Variants in BNC2 observed in about 807,000 individuals in gnomAD.
BNC2 encodes the protein basonuclin zinc finger protein 2, also known as zinc finger protein basonuclin-2.
In BNC2, 20 loss-of-function variants were observed where a neutral mutation model predicts 76.3. The observed-to-expected ratio is 0.26, with a 90% CI of 0.18 to 0.38. The LOEUF is 0.38. Among genes scored for constraint, BNC2 ranks in the 10% least tolerant of loss-of-function variants. The pLI is 1.00. For synonymous variants in BNC2, 582 were observed against 514.8 expected (o/e 1.13, Z -1.77); for missense variants, 1,382 against 1,399.8 (o/e 0.99, Z 0.20).
intron 6 of BNC2, chr9:16,431,477 A>G (rs1449635496): frequency 2.1e-6 from 1 of 470,190 alleles, no homozygotes; most frequent in South Asian, 1.6e-5. Flanking sequence ...GCCGGTTAGA[A>G]TTTCCTCTTC....
intron 1 of BNC2, among the ~76,000 whole-genome samples, chr9:16,806,605 G>A (rs1305849396): frequency 6.6e-6 from 1 of 152,162 alleles, no homozygotes; most frequent in African/African-American, 2.4e-5. Context: ...CTGAAGGGGT[G>A]TTGGAGAAAT....
chr9:16,492,056 G>GA (rs2131638543), intron 5 of BNC2, among the ~76,000 whole-genome samples: 1 of 152,016 alleles, frequency 6.6e-6, no homozygotes, highest in East Asian at 1.9e-4. Context: ...AAAAACCAGT[G>GA]AAATACGATT....
chr9:16,552,746 C>T lies in BNC2; in HGVS notation c.453G>A (p.Thr151=), dbSNP rs1042689596. ...WVAHALDKLS[T]QHLYHPTQVE... ...CTTGGGTGGGGTGGTACAGGTGCTG[C>T]GTGCTGAGCTTATCCAAGGCTGTGG... is the stretch of plus-strand genomic sequence containing the variant. The change falls in exon 5 of 7, where the codon ACG becomes ACA. Residue 151 remains threonine, a synonymous_variant. Coordinates refer to ENST00000380672, the MANE Select transcript of BNC2 (RefSeq NM_017637.6). The T allele has an allele frequency of 6.8e-6, 11 of 1,613,942 alleles. No individual in the cohort carries two copies. The highest frequency in any genetic ancestry group is 6.7e-5 in the African/African-American group (5 of 74,878).
intron 5 of BNC2, among the ~76,000 whole-genome samples, chr9:16,463,294 C>CTTTTTTTTTTT (rs34855187): frequency 2.8e-5 from 3 of 105,606 alleles, no homozygotes; most frequent in Admixed American, 1.1e-4. Flanking sequence ...GTATTAAATT[C>CTTTTTTTTTTT]TTTTTTTTTT....
chr9:16,524,213 T>A (rs1817720278), intron 5 of BNC2, among the ~76,000 whole-genome samples: 1 of 152,222 alleles, frequency 6.6e-6, no homozygotes, highest in East Asian at 1.9e-4. Context: ...GTGACCCCTT[T>A]GAAACTGCTA....
chr9:16,868,881 C>T (rs1819607705), intron 1 of BNC2, among the ~76,000 whole-genome samples: 1 of 152,186 alleles, frequency 6.6e-6, no homozygotes, highest in South Asian at 2.1e-4. Flanking sequence ...TCAGATCAGA[C>T]ACACTAAGTA....
chr9:16,539,683 GAA>G lies in BNC2; in HGVS notation c.669+12845_669+12846del, dbSNP rs1167270802. On this transcript the variant is annotated intron_variant, in intron 5 of 6. Coordinates refer to ENST00000380672, the MANE Select transcript of BNC2 (RefSeq NM_017637.6). Reference sequence around the variant, plus strand: ...GGGAGGGAGGGAGGGAGGGAGGAAGGAAGGAAGGGAGAAAGGAAGGGAGGAAG... The same window carrying G: ...GGGAGGGAGGGAGGGAGGGAGGAAGGGGAAGGGAGAAAGGAAGGGAGGAAG... 5.2e-5 allele frequency among the ~76,000 whole-genome samples: 6 copies of G among 114,382 alleles called. 1 individual carries two copies. Among genetic ancestry groups the G allele is most frequent in the African/African-American group, 2.7e-4 (6 of 22,216 alleles). 75.0% of individuals were successfully genotyped at this position (114,382 alleles called of 152,430 possible). A position where few individuals can be genotyped will look rare whatever the true frequency, so the allele number is the denominator to read the frequency against.
chr9:16,713,989 G>A (rs1823927082), intron 3 of BNC2, among the ~76,000 whole-genome samples: 1 of 152,198 alleles, frequency 6.6e-6, no homozygotes, highest in South Asian at 2.1e-4. Flanking sequence ...TAAGAGGACT[G>A]CTTGCGCCTG....
At chr9:16,609,152 C>T (rs922492428) in intron 3 of BNC2, among the ~76,000 whole-genome samples, 4 of 152,098 alleles carry the variant, frequency 2.6e-5, no homozygotes, top group Admixed American at 6.5e-5. Flanking sequence ...GGGGACCTTT[C>T]GGAGCCACTT....
At chr9:16,590,057 G>A (rs1819881580) in intron 3 of BNC2, among the ~76,000 whole-genome samples, 2 of 151,746 alleles carry the variant, frequency 1.3e-5, no homozygotes, top group Non-Finnish European at 2.9e-5. Context: ...CCAGGAGTTC[G>A]AGACCAGCCT....
chr9:16,834,196 C>A (rs201790327), intron 1 of BNC2, among the ~76,000 whole-genome samples: 5 of 149,900 alleles, frequency 3.3e-5, no homozygotes, highest in South Asian at 2.1e-4. Flanking sequence ...ACTGGCCAGT[C>A]AAAAAAAAAA....
At chr9:16,763,696 C>T (rs1825615760) in intron 1 of BNC2, among the ~76,000 whole-genome samples, 1 of 152,154 alleles carries the variant, frequency 6.6e-6, no homozygotes, top group Non-Finnish European at 1.5e-5. Context: ...CTTCTCCAGG[C>T]TAGTGGTGAG....
chr9:16,460,860 G>C (rs1376197530), intron 5 of BNC2, among the ~76,000 whole-genome samples: 1 of 151,804 alleles, frequency 6.6e-6, no homozygotes, highest in Non-Finnish European at 1.5e-5. Flanking sequence ...TAGGCATATG[G>C]CAGGCACTCC....
chr9:16,565,021 T>C (rs1032940754), intron 4 of BNC2, among the ~76,000 whole-genome samples: 17 of 152,304 alleles, frequency 1.1e-4, no homozygotes, highest in Admixed American at 2.0e-4. Context: ...CCTGGATCAA[T>C]TTCTTCTTTC....
rs182236066 is a variant in BNC2, at chr9:16,662,425, T to G, written c.330+65372A>C. Among the ~76,000 whole-genome samples, 350 of 152,312 alleles carry G rather than the reference T, an allele frequency of 2.3e-3. 1 individual carries two copies. Among genetic ancestry groups the G allele is most frequent in the Non-Finnish European group, 3.9e-3 (265 of 68,020 alleles). On this transcript the variant is annotated intron_variant, in intron 3 of 6. Coordinates refer to ENST00000380672, the MANE Select transcript of BNC2 (RefSeq NM_017637.6). Reference sequence around the variant, plus strand: ...GCATGGTCAGAGGTAATTGGCCAGATTTTAACTCATCACAAGAGAAAATAC... The same window carrying G: ...GCATGGTCAGAGGTAATTGGCCAGAGTTTAACTCATCACAAGAGAAAATAC...
chr9:16,798,338 C>T (rs950846950), intron 1 of BNC2, among the ~76,000 whole-genome samples: 1 of 152,154 alleles, frequency 6.6e-6, no homozygotes, highest in African/African-American at 2.4e-5. Flanking sequence ...AAATCACCAC[C>T]ATTCTAATTT....
intron 1 of BNC2, among the ~76,000 whole-genome samples, chr9:16,845,924 C>T (rs1477353361): frequency 2.6e-5 from 4 of 151,862 alleles, no homozygotes; most frequent in Non-Finnish European, 5.9e-5. Context: ...CCGAGACGGG[C>T]GGATCAGGAG....
At chr9:16,525,124 A>C (rs533854064) in intron 5 of BNC2, among the ~76,000 whole-genome samples, 2 of 151,992 alleles carry the variant, frequency 1.3e-5, no homozygotes, top group East Asian at 3.9e-4. Flanking sequence ...TACTACATAA[A>C]ATACTAGTAG....
chr9:16,427,817 T>G lies in BNC2; in HGVS notation c.2639+7738A>C, dbSNP rs141982717. On this transcript the variant is annotated intron_variant, in intron 6 of 6. Transcript: ENST00000380672. ...TTTACCTACCCTCTCTTCACTGGAT[T>G]TCCCTTTCCTCTTTCCTCAGTTCCC... Among the ~76,000 whole-genome samples the G allele has an allele frequency of 3.6e-3, 547 of 152,322 alleles. 1 individual carries two copies. Among genetic ancestry groups the G allele is most frequent in the African/African-American group, 0.013 (523 of 41,578 alleles).
Sources: gnomAD v4.1 joint callset for allele counts (sites outside exome capture counted in the v4.1 genomes callset) on GRCh38, gnomAD v4.1.1 for gene constraint, MANE v1.5 for transcripts, NCBI Gene and HGNC (gene_info 2026-07-23, HGNC 2026-07-21) for gene names.